Variants in AKAP12 observed in about 807,000 individuals in gnomAD.
AKAP12 encodes the protein A-kinase anchoring protein 12.
A neutral mutation model predicts 79.9 loss-of-function variants in AKAP12; 32 were observed. That is an observed-to-expected ratio of 0.40 (90% CI 0.30 to 0.54). The LOEUF is 0.54. AKAP12 is among the 20% of genes least tolerant of loss of function. The pLI is 0.48. For missense variants in AKAP12, 2,074 were observed against 2,177.0 expected (o/e 0.95, Z 0.94); for synonymous variants, 808 against 857.0 (o/e 0.94, Z 1.00).
chr6:151,276,949 T>C lies in AKAP12; in HGVS notation c.163-28798T>C, dbSNP rs190722694. Among the ~76,000 whole-genome samples the C allele has an allele frequency of 1.2e-4, 19 of 152,350 alleles. No homozygotes were observed. The East Asian group carries it at 3.5e-3, about 28-fold the overall frequency. ...TGGCAGTTTGAGGTGGAATTCTTTG[T>C]GTATGCATCTCCACGGGCACATAAT... On this transcript the variant is annotated intron_variant, in intron 2 of 4. Coordinates refer to ENST00000402676, the MANE Select transcript of AKAP12 (RefSeq NM_005100.4).
At position 151,356,579 on chromosome 6, in the gene AKAP12, A is replaced by G. The variant is rs1179596989; in HGVS notation, c.*865A>G. 1 of 152,202 alleles carries G rather than the reference A, an allele frequency of 6.6e-6. No homozygotes were observed. Among genetic ancestry groups the G allele is most frequent in the African/African-American group, 2.4e-5 (1 of 41,442 alleles). 9.4% of individuals were successfully genotyped at this position (152,202 alleles called of 1,614,324 possible). On this transcript the variant is annotated 3_prime_UTR_variant, in exon 5 of 5. Coordinates refer to ENST00000402676, the MANE Select transcript of AKAP12 (RefSeq NM_005100.4). Reference sequence around the variant, plus strand: ...AGAAAAGAATTGTTGTAAGTTTTTGATTCTACTCTTATATGCTGGACTGCA... The same window carrying G: ...AGAAAAGAATTGTTGTAAGTTTTTGGTTCTACTCTTATATGCTGGACTGCA...
intron 2 of AKAP12, among the ~76,000 whole-genome samples, chr6:151,272,277 T>G (rs1383972941): frequency 6.7e-6 from 1 of 148,290 alleles, no homozygotes; most frequent in Non-Finnish European, 1.5e-5. Flanking sequence ...CCAAGGAGTT[T>G]GAAGCTGCAG....
chr6:151,336,767 A>G (rs1777824109), intron 3 of AKAP12, among the ~76,000 whole-genome samples: 1 of 152,196 alleles, frequency 6.6e-6, no homozygotes, highest in Non-Finnish European at 1.5e-5. Flanking sequence ...ATAAATAGCC[A>G]TTCTGACTGG....
chr6:151,334,525 G>A (rs1166362122), intron 3 of AKAP12, among the ~76,000 whole-genome samples: 1 of 151,914 alleles, frequency 6.6e-6, no homozygotes, highest in Non-Finnish European at 1.5e-5. Flanking sequence ...AACCCTGGAG[G>A]CAGAGGCTGC....
rs1472400166 is a variant in AKAP12 at position 151,356,890 on chromosome 6, C to T, written c.*1176C>T. ...TCTGATGTAGTCATTACATGAAACC[C>T]CTTGTCACTGGTTTGTGTGTTCAGA... On this transcript the variant is annotated 3_prime_UTR_variant, in exon 5 of 5. Transcript: ENST00000402676. The T allele has an allele frequency of 6.6e-6, 1 of 152,170 alleles. No individual in the cohort carries two copies. The highest frequency in any genetic ancestry group is 1.5e-5 in the Non-Finnish European group (1 of 68,040). 9.4% of individuals were successfully genotyped at this position (152,170 alleles called of 1,614,324 possible). A position where few individuals can be genotyped will look rare whatever the true frequency, so the allele number is the denominator to read the frequency against.
At position 151,349,082 on chromosome 6, in the gene AKAP12, G is replaced by A. The variant is rs776340280; in HGVS notation, c.691G>A (p.Glu231Lys). The A allele has an allele frequency of 1.1e-5, 17 of 1,612,100 alleles. No individual in the cohort carries two copies. The Admixed American group carries it at 1.2e-4, about 11-fold the overall frequency. Residue 231 changes from glutamate to lysine, a missense_variant, in exon 4 of 5, where the codon GAA becomes AAA. Glu to Lys is a moderately conservative substitution (Grantham distance 56). Around this residue, in one of 3 missense-constraint regions of AKAP12, gnomAD observed 1,428 missense variants for 1,451.0 expected, o/e 0.98. Coordinates refer to ENST00000402676, the MANE Select transcript of AKAP12 (RefSeq NM_005100.4). Reference sequence around the variant, plus strand: ...TGGAGAAGCAGCATCCAAAGAAAGCGAACCCAAACAATCTACAGAGAAACC... The same window carrying A: ...TGGAGAAGCAGCATCCAAAGAAAGCAAACCCAAACAATCTACAGAGAAACC... ...GAGEAASKES[E>K]PKQSTEKPEE...
chr6:151,344,138 A>G (rs1778023787), intron 3 of AKAP12, among the ~76,000 whole-genome samples: 1 of 152,224 alleles, frequency 6.6e-6, no homozygotes, highest in South Asian at 2.1e-4. Flanking sequence ...TGCGCCTCAG[A>G]TCAAAATAAT....
intron 3 of AKAP12, among the ~76,000 whole-genome samples, chr6:151,313,286 G>C (rs964557676): frequency 6.6e-6 from 1 of 152,162 alleles, no homozygotes; most frequent in Non-Finnish European, 1.5e-5. Context: ...GTGCCCAATA[G>C]ATAAAGAGAG....
chr6:151,251,362 C>T (rs1257109878), intron 2 of AKAP12, among the ~76,000 whole-genome samples: 1 of 152,128 alleles, frequency 6.6e-6, no homozygotes, highest in Non-Finnish European at 1.5e-5. Context: ...AACATCCGCA[C>T]AGTAAAGTGG....
intron 3 of AKAP12, chr6:151,325,956 C>T (rs1376574642): frequency 6.2e-7 from 1 of 1,610,048 alleles, no homozygotes; most frequent in Non-Finnish European, 8.5e-7. Flanking sequence ...GGGCTTTCTT[C>T]CGTTGAATGA....
At chr6:151,249,902 A>T (rs553261152) in intron 2 of AKAP12, among the ~76,000 whole-genome samples, 1 of 152,196 alleles carries the variant, frequency 6.6e-6, no homozygotes, top group Non-Finnish European at 1.5e-5. Flanking sequence ...TTTCATGGCT[A>T]TGGTGAGTTC....
intron 3 of AKAP12, among the ~76,000 whole-genome samples, chr6:151,314,024 T>C (rs1777180505): frequency 6.6e-6 from 1 of 151,576 alleles, no homozygotes. Context: ...TTTATGGCTT[T>C]TCTAATTTTT....
At chr6:151,292,565 G>A (rs1776644446) in intron 2 of AKAP12, among the ~76,000 whole-genome samples, 1 of 152,174 alleles carries the variant, frequency 6.6e-6, no homozygotes. Flanking sequence ...AACCAACCAA[G>A]GATTGAAAAG....
chr6:151,245,740 T>G (rs1294978431), intron 2 of AKAP12, among the ~76,000 whole-genome samples: 4 of 152,100 alleles, frequency 2.6e-5, no homozygotes, highest in Non-Finnish European at 2.9e-5. Flanking sequence ...GCAATATTCA[T>G]TTAATGTTTA....
chr6:151,332,598 T>C (rs1777704100), intron 3 of AKAP12, among the ~76,000 whole-genome samples: 1 of 152,202 alleles, frequency 6.6e-6, no homozygotes, highest in Non-Finnish European at 1.5e-5. Context: ...GTTTCACTAA[T>C]GGTTGATGTC....
chr6:151,325,402 C>T, intron 3 of AKAP12: 1 of 985,418 alleles, frequency 1.0e-6, no homozygotes, highest in Non-Finnish European at 1.2e-6. Context: ...AGATCCAATG[C>T]GCCGGCTCCA....
In AKAP12 at chr6:151,338,272, A is replaced by G. The variant is rs371332952; in HGVS notation, c.320-10439A>G. Among the ~76,000 whole-genome samples the G allele has an allele frequency of 1.2e-4, 19 of 152,260 alleles. No individual in the cohort carries two copies. The East Asian group carries it at 2.1e-3, about 17-fold the overall frequency. On this transcript the variant is annotated intron_variant, in intron 3 of 4. Transcript: ENST00000402676. ...TTAAAGCATTCCTCTTTGCATTACA[A>G]TATCCACCCTAGGGTCAGAGATTTT...
At chr6:151,251,984 G>A (rs1797186736) in intron 2 of AKAP12, among the ~76,000 whole-genome samples, 1 of 152,106 alleles carries the variant, frequency 6.6e-6, no homozygotes, top group African/African-American at 2.4e-5. Context: ...GCAACAGCGT[G>A]AGTGAGACTC....
chr6:151,282,211 G>A (rs906898508), intron 2 of AKAP12, among the ~76,000 whole-genome samples: 63 of 152,122 alleles, frequency 4.1e-4, no homozygotes, highest in African/African-American at 1.4e-3. Flanking sequence ...GCAGTGAGCC[G>A]AGTAGTAGCT....
Sources: allele counts gnomAD v4.1 joint callset (sites outside exome capture counted in the v4.1 genomes callset), GRCh38; gene constraint gnomAD v4.1.1; regional missense constraint gnomAD v4.1.1; transcripts MANE v1.5; gene names NCBI Gene and HGNC (gene_info 2026-07-23, HGNC 2026-07-21).